Variants in JARID2 observed in about 807,000 individuals in gnomAD.
The protein encoded by JARID2 is jumonji and AT-rich interaction domain containing 2.
In JARID2, 21 loss-of-function variants were observed where a neutral mutation model predicts 125.6. The observed-to-expected ratio is 0.17, with a 90% confidence interval of 0.12 to 0.24. The LOEUF is 0.24. Ranked by LOEUF, JARID2 falls within the 10% of genes least tolerant of loss-of-function variation. The probability of loss-of-function intolerance (pLI) is 1.00; values close to 1 mark genes in which losing one functional copy is unlikely to be tolerated. For synonymous variants in JARID2, 736 were observed against 661.6 expected (o/e 1.11, Z -1.73); for missense variants, 1,303 against 1,639.6 (o/e 0.79, Z 3.55).
At chr6:15,384,538 T>C (rs1280591318) in intron 2 of JARID2, among the ~76,000 whole-genome samples, 1 of 152,180 alleles carries the variant, frequency 6.6e-6, no homozygotes, top group Non-Finnish European at 1.5e-5. Context: ...TGGAGTCATC[T>C]GTTACTTCTT....
chr6:15,332,987 A>G (rs1762766776), intron 1 of JARID2, among the ~76,000 whole-genome samples: 2 of 119,778 alleles, frequency 1.7e-5, no homozygotes, highest in Non-Finnish European at 3.2e-5. Context: ...GCTGGAGTGC[A>G]GTGGCCCCAT....
chr6:15,377,319 A>G (rs1764393469), intron 2 of JARID2, among the ~76,000 whole-genome samples: 3 of 151,984 alleles, frequency 2.0e-5, no homozygotes, highest in African/African-American at 7.2e-5. Context: ...CGTGAGACTT[A>G]CTCACTATCA....
At chr6:15,474,485 C>T (rs914313389) in intron 5 of JARID2, among the ~76,000 whole-genome samples, 6 of 143,680 alleles carry the variant, frequency 4.2e-5, no homozygotes, top group African/African-American at 1.6e-4. Context: ...TTTAGCTACT[C>T]GTTAGCTTGT....
At chr6:15,434,782 G>A (rs1202901884) in intron 3 of JARID2, among the ~76,000 whole-genome samples, 5 of 152,162 alleles carry the variant, frequency 3.3e-5, no homozygotes, top group Non-Finnish European at 7.3e-5. Flanking sequence ...GTGTTTCTCA[G>A]CTTTCCGTAT....
At chr6:15,384,299 G>T (rs1764700234) in intron 2 of JARID2, among the ~76,000 whole-genome samples, 1 of 151,894 alleles carries the variant, frequency 6.6e-6, no homozygotes, top group South Asian at 2.1e-4. Flanking sequence ...GTTGTCCAGG[G>T]TGATCTTGAA....
chr6:15,460,587 A>C (rs1027129824), intron 4 of JARID2, among the ~76,000 whole-genome samples: 3 of 152,200 alleles, frequency 2.0e-5, no homozygotes, highest in African/African-American at 7.2e-5. Context: ...CCCGCAGGGA[A>C]GTTGAGTATT....
At chr6:15,374,305 G>A in intron 2 of JARID2, 53 bp downstream of exon 2, 1 of 1,589,752 alleles carries the variant, frequency 6.3e-7, no homozygotes, top group Non-Finnish European at 8.6e-7. Context: ...TCTGGGCGTG[G>A]ACTTGTTCCT....
At chr6:15,444,282 A>C (rs1195357870) in intron 3 of JARID2, among the ~76,000 whole-genome samples, 1 of 152,194 alleles carries the variant, frequency 6.6e-6, no homozygotes, top group Non-Finnish European at 1.5e-5. Flanking sequence ...GCTTAGAAGG[A>C]TATGGTCTAT....
chr6:15,266,294 ATTAG>A (rs953039094), intron 1 of JARID2, among the ~76,000 whole-genome samples: 3 of 152,182 alleles, frequency 2.0e-5, no homozygotes, highest in Non-Finnish European at 4.4e-5. Flanking sequence ...TATTTTAACT[ATTAG>A]TTACAATGAT....
intron 16 of JARID2, among the ~76,000 whole-genome samples, chr6:15,516,045 G>A (rs940160795): frequency 8.0e-5 from 12 of 150,264 alleles, no homozygotes. Flanking sequence ...ATTGGGGTTT[G>A]ACTTATACGT....
At chr6:15,434,234 A>C (rs1767105129) in intron 3 of JARID2, among the ~76,000 whole-genome samples, 1 of 152,022 alleles carries the variant, frequency 6.6e-6, no homozygotes, top group Non-Finnish European at 1.5e-5. Flanking sequence ...CCCTTGATGC[A>C]CAGAATTCAT....
At position 15,449,849 on chromosome 6, in the gene JARID2, C is replaced by A. The variant is rs192670650; in HGVS notation, c.324-2157C>A. Among the ~76,000 whole-genome samples the A allele has an allele frequency of 3.4e-3, 511 of 151,974 alleles. 3 individuals are homozygous for A. Among genetic ancestry groups the A allele is most frequent in the African/African-American group, 0.012 (493 of 41,426 alleles). On this transcript the variant is annotated intron_variant, in intron 3 of 17. Coordinates refer to ENST00000341776, the MANE Select transcript of JARID2 (RefSeq NM_004973.4). Reference sequence around the variant, plus strand: ...GTGTTTTCGATGGTCATAGGGGAGACAAGAGTAGACACTGCTTAGGACATA... The same window carrying A: ...GTGTTTTCGATGGTCATAGGGGAGAAAAGAGTAGACACTGCTTAGGACATA...
At chr6:15,465,684 A>T (rs993541334) in intron 4 of JARID2, among the ~76,000 whole-genome samples, 1 of 152,200 alleles carries the variant, frequency 6.6e-6, no homozygotes, top group African/African-American at 2.4e-5. Flanking sequence ...TGTTAAGTGG[A>T]AGTTAATTCC....
rs553663865 is a variant in JARID2 at position 15,324,037 on chromosome 6, C to A, written c.46-50080C>A. 7.9e-5 allele frequency among the ~76,000 whole-genome samples: 12 copies of A among 151,942 alleles called. No homozygotes were observed. In the East Asian group the frequency reaches 2.3e-3, roughly 29 times the overall value. On this transcript the variant is annotated intron_variant, in intron 1 of 17. Transcript: ENST00000341776. The stretch of plus-strand genomic sequence containing the variant: ...CTCTACTAAAAATACAAAAAATTAG[C>A]CGGGCGTGGTGGCGGGCGCCTGTAG...
intron 1 of JARID2, among the ~76,000 whole-genome samples, chr6:15,348,983 T>C (rs1763337844): frequency 1.3e-5 from 2 of 152,238 alleles, no homozygotes; most frequent in South Asian, 4.1e-4. Flanking sequence ...AAGAACTCCA[T>C]GGACAATGTT....
At chr6:15,397,400 G>C (rs184353214) in intron 2 of JARID2, among the ~76,000 whole-genome samples, 1 of 151,948 alleles carries the variant, frequency 6.6e-6, no homozygotes, top group Non-Finnish European at 1.5e-5. Flanking sequence ...TCTATCATAC[G>C]ACAATCCACA....
At chr6:15,456,204 C>T (rs1467908433) in intron 4 of JARID2, among the ~76,000 whole-genome samples, 1 of 152,170 alleles carries the variant, frequency 6.6e-6, no homozygotes, top group Non-Finnish European at 1.5e-5. Flanking sequence ...TCTGGGAAAC[C>T]TGGAGAGTCT....
intron 4 of JARID2, among the ~76,000 whole-genome samples, chr6:15,455,649 A>G (rs1052718595): frequency 6.6e-6 from 1 of 152,156 alleles, no homozygotes; most frequent in Non-Finnish European, 1.5e-5. Context: ...CTCCTGCCTC[A>G]GCCTCCCGAG....
chr6:15,292,125 T>C (rs1255909227), intron 1 of JARID2, among the ~76,000 whole-genome samples: 1 of 152,042 alleles, frequency 6.6e-6, no homozygotes, highest in African/African-American at 2.4e-5. Context: ...CACGCCATTC[T>C]CCTGCCTCAG....
Sources: allele counts gnomAD v4.1 joint callset (sites outside exome capture counted in the v4.1 genomes callset), GRCh38; gene constraint gnomAD v4.1.1; transcripts MANE v1.5; gene names NCBI Gene and HGNC (gene_info 2026-07-23, HGNC 2026-07-21).